SLC6A7: variants seen among roughly 807,000 people sequenced by gnomAD.
SLC6A7 encodes the protein sodium-dependent proline transporter.
SLC6A7 carries 58 observed loss-of-function variants against 73.1 expected under a neutral mutation model. That is an observed-to-expected ratio of 0.79 (90% confidence interval 0.64 to 0.99). SLC6A7 has a LOEUF of 0.99. Among genes scored for constraint, SLC6A7 ranks in the 50% least tolerant of loss-of-function variants. The pLI is 0.00. For missense variants in SLC6A7, 783 were observed against 831.4 expected, an observed-to-expected ratio of 0.94 and a Z score of 0.72; for synonymous variants, 338 against 338.7, an observed-to-expected ratio of 1.00 and a Z score of 0.02.
chr5:150,209,477 T>A lies in SLC6A7; in HGVS notation c.1773T>A (p.Tyr591Ter), dbSNP rs1229165050. Residue 591 changes from tyrosine to a stop codon, truncating the protein, a stop_gained, in exon 14 of 14, where the codon TAT (tyrosine) becomes TAA (stop). Coordinates refer to ENST00000230671, the MANE Select transcript of SLC6A7 (RefSeq NM_014228.5). LOFTEE classifies it high-confidence loss of function. ...PSLEENRTGM[Y>*]VATLAGSQSP... is the part of the protein sequence containing the mutation. ...TGGAGGAGAACCGGACGGGCATGTA[T>A]GTGGCCACGCTGGCTGGGAGCCAGT... The A allele has an allele frequency of 6.2e-7, 1 of 1,614,200 alleles. No individual in the cohort carries two copies. Among genetic ancestry groups the A allele is most frequent in the Non-Finnish European group, 8.5e-7 (1 of 1,180,050 alleles).
chr5:150,194,384 G>A (rs1469464615), intron 1 of SLC6A7, among the ~76,000 whole-genome samples: 1 of 150,154 alleles, frequency 6.7e-6, no homozygotes, highest in African/African-American at 2.5e-5. Context: ...TGCTGAGGTT[G>A]TACCACTGCA....
Position 150,209,802 on chromosome 5 carries a change from T to TAC in SLC6A7, c.*199_*200dup, listed in dbSNP as rs140293447. Reference sequence around the variant, plus strand: ...TCTCCTGAAACCTCTGACAACCCCCTACACACACACACAGGCATACTCAGA... The same window carrying TAC: ...TCTCCTGAAACCTCTGACAACCCCCTACACACACACACACAGGCATACTCAGA... On this transcript the variant is annotated 3_prime_UTR_variant, in exon 14 of 14. Transcript: ENST00000230671. 14 of 606,718 alleles carry TAC rather than the reference T, an allele frequency of 2.3e-5. No homozygotes were observed. Among genetic ancestry groups the TAC allele is most frequent in the African/African-American group, 1.1e-4 (6 of 53,930 alleles). 37.6% of individuals were successfully genotyped at this position (606,718 alleles called of 1,614,324 possible).
intron 2 of SLC6A7, among the ~76,000 whole-genome samples, chr5:150,195,801 G>A (rs982741594): frequency 6.6e-6 from 1 of 152,250 alleles, no homozygotes; most frequent in African/African-American, 2.4e-5. Flanking sequence ...GTGTGGGACT[G>A]GAGCTGGCCT....
chr5:150,195,602 A>G (rs1752981202), intron 2 of SLC6A7, among the ~76,000 whole-genome samples: 1 of 152,190 alleles, frequency 6.6e-6, no homozygotes, highest in Non-Finnish European at 1.5e-5. Context: ...GTCCTTGCCC[A>G]AGGTCACAGG....
chr5:150,208,095 G>A (rs932102493), intron 13 of SLC6A7, among the ~76,000 whole-genome samples: 1 of 151,872 alleles, frequency 6.6e-6, no homozygotes, highest in Non-Finnish European at 1.5e-5. Flanking sequence ...GAGCACCCCC[G>A]TTTTCAGCTG....
In SLC6A7 at chr5:150,197,068, G is replaced by C; in HGVS notation, c.376G>C (p.Val126Leu). ...CGCCGGCGCAGCCATGCTGCTCATC[G>C]TGGGCTTGGTGGCCATCTACTACAA... ...KGAGAAMLLI[V>L]GLVAIYYNMI... The change falls in exon 4 of 14, where the codon GTG (valine) becomes CTG (leucine). Residue 126 changes from valine to leucine, a missense_variant. Coordinates refer to ENST00000230671, the MANE Select transcript of SLC6A7 (RefSeq NM_014228.5). 1.9e-6 allele frequency: 3 copies of C among 1,614,028 alleles called. No individual in the cohort carries two copies. The highest frequency in any genetic ancestry group is 2.5e-6 in the Non-Finnish European group (3 of 1,179,974).
chr5:150,205,674 CCCT>C, intron 13 of SLC6A7, 51 bp downstream of exon 13: 1 of 1,471,866 alleles, frequency 6.8e-7, no homozygotes, highest in South Asian at 1.3e-5. Context: ...TGTGGCCTGA[CCCT>C]AGGTCCCCCT....
intron 1 of SLC6A7, among the ~76,000 whole-genome samples, chr5:150,194,432 T>TAA (rs57988226): frequency 1.6e-5 from 2 of 124,354 alleles, no homozygotes; most frequent in African/African-American, 2.9e-5. Context: ...CTTTCTCAAT[T>TAA]AAAAAAAAAA....
chr5:150,199,229 C>T lies in SLC6A7; in HGVS notation c.586C>T (p.Arg196Cys), dbSNP rs757592990. The T allele has an allele frequency of 1.1e-5, 18 of 1,595,810 alleles. No individual in the cohort carries two copies. Among genetic ancestry groups the T allele is most frequent in the Non-Finnish European group, 1.3e-5 (15 of 1,168,748 alleles). The change falls in exon 5 of 14, where the codon CGC becomes TGC. Residue 196 changes from arginine to cysteine, a missense_variant and splice_region_variant. By Grantham distance (180) the Arg-to-Cys change is radical (BLOSUM62 -3). Transcript: ENST00000230671. ...CACTGAGACCTTTGTCTCCCACAGC[C>T]GCTACGTCCTCCACATCCAAGGCAG... is the stretch of plus-strand genomic sequence containing the variant. ...TVSPSEEYWS[R>C]YVLHIQGSQG...
chr5:150,208,975 TA>T (rs1580876461), intron 13 of SLC6A7, among the ~76,000 whole-genome samples: 1 of 152,146 alleles, frequency 6.6e-6, no homozygotes, highest in East Asian at 1.9e-4. Context: ...ATTCAGCATT[TA>T]GGGGAAGGCT....
rs1752958751 is a variant in SLC6A7 at position 150,195,101 on chromosome 5, G to A, written c.217+190G>A. ...CTGTCTTGTCCTTCTCATCACCCAAGCCCTTCCTTCCTCCCTCTCATCCCC... is the reference window on the plus strand; with the variant it reads ...CTGTCTTGTCCTTCTCATCACCCAAACCCTTCCTTCCTCCCTCTCATCCCC... On this transcript the variant is annotated intron_variant, in intron 2 of 13. Coordinates refer to ENST00000230671, the MANE Select transcript of SLC6A7 (RefSeq NM_014228.5). The A allele has an allele frequency of 1.1e-5, 6 of 546,248 alleles. No individual in the cohort carries two copies. The Admixed American group carries it at 1.8e-4, about 17-fold the overall frequency. The allele number at this position is 546,248 out of a possible 1,614,324, so 33.8% of individuals were successfully genotyped here.
In SLC6A7 at chr5:150,204,936, G is replaced by A. The variant is rs772194424; in HGVS notation, c.1533+9G>A. The A allele has an allele frequency of 2.8e-6, 4 of 1,417,556 alleles. No individual in the cohort carries two copies. The highest frequency in any genetic ancestry group is 4.0e-6 in the Non-Finnish European group (4 of 1,001,092). 87.8% of individuals were successfully genotyped at this position (1,417,556 alleles called of 1,614,324 possible). On this transcript the variant is annotated intron_variant, in intron 12 of 13. Transcript: ENST00000230671. ...CCCCAGCCACGCTCTTGGTAACTGG[G>A]GAGGGCGGGAGGGTTTCTGGCTGGG...
chr5:150,204,329 G>A (rs1334265311), intron 10 of SLC6A7, among the ~76,000 whole-genome samples: 1 of 152,190 alleles, frequency 6.6e-6, no homozygotes, highest in Non-Finnish European at 1.5e-5. Flanking sequence ...TTCCTCATCA[G>A]TAAAAGGAGG....
chr5:150,204,097 G>A (rs1753555435), intron 10 of SLC6A7, 59 bp downstream of exon 10: 9 of 1,537,612 alleles, frequency 5.9e-6, no homozygotes, highest in Admixed American at 1.8e-5. Context: ...CGCCTGCAAC[G>A]AGATCTCTGG....
Position 150,194,791 on chromosome 5 carries a change from T to C in SLC6A7, c.97T>C (p.Phe33Leu), listed in dbSNP as rs755674878. 6.2e-7 allele frequency: 1 copy of C among 1,614,138 alleles called. No homozygotes were observed. Among genetic ancestry groups the C allele is most frequent in the Non-Finnish European group, 8.5e-7 (1 of 1,180,002 alleles). ...DQGDVDLDVD[F>L]AAHRGNWTGK... The stretch of plus-strand genomic sequence containing the variant: ...GGGCGATGTCGACCTGGATGTGGAC[T>C]TTGCTGCACACCGGGGGAACTGGAC... The change falls in exon 2 of 14, where the codon TTT becomes CTT. Residue 33 changes from phenylalanine (F) to leucine (L), a missense_variant. Phe to Leu is a conservative substitution (Grantham distance 22). Coordinates refer to ENST00000230671, the MANE Select transcript of SLC6A7 (RefSeq NM_014228.5).
intron 13 of SLC6A7, among the ~76,000 whole-genome samples, chr5:150,207,768 CT>C (rs896610463): frequency 3.9e-5 from 6 of 152,130 alleles, no homozygotes; most frequent in African/African-American, 1.4e-4. Context: ...GGTAAAAGTA[CT>C]AATACCCCTC....
rs560381303 is a variant in SLC6A7, at chr5:150,209,869, C to T, written c.*254C>T. The T allele has an allele frequency of 2.1e-5, 11 of 529,204 alleles. No homozygotes were observed. Among genetic ancestry groups the T allele is most frequent in the African/African-American group, 3.8e-5 (2 of 52,712 alleles). 32.8% of individuals were successfully genotyped at this position (529,204 alleles called of 1,614,324 possible). The stretch of plus-strand genomic sequence containing the variant: ...AATGATCCAACTCAGCCCTACTTTG[C>T]GGATGGACATATTAAGGCCAGGAGG... On this transcript the variant is annotated 3_prime_UTR_variant, in exon 14 of 14. Coordinates refer to ENST00000230671, the MANE Select transcript of SLC6A7 (RefSeq NM_014228.5).
Position 150,197,044 on chromosome 5 carries a change from G to A in SLC6A7, c.352G>A (p.Ala118Thr), listed in dbSNP as rs147922279. The A allele has an allele frequency of 1.1e-4, 184 of 1,613,274 alleles. 1 individual carries two copies. Among genetic ancestry groups the A allele is most frequent in the East Asian group, 3.8e-4 (17 of 44,884 alleles). The change falls in exon 4 of 14, where the codon GCC (alanine) becomes ACC (threonine). Residue 118 changes from alanine to threonine, a missense_variant and splice_region_variant. Transcript: ENST00000230671. The part of the protein sequence containing the change: ...VWKISPLFKG[A>T]GAAMLLIVGL... ...CCAGCAGCCTCTCCCCACACCAGGC[G>A]CCGGCGCAGCCATGCTGCTCATCGT... is the stretch of plus-strand genomic sequence containing the variant.
At chr5:150,204,113 C>A in intron 10 of SLC6A7, 75 bp downstream of exon 10, 2 of 1,456,244 alleles carry the variant, frequency 1.4e-6, no homozygotes, top group South Asian at 1.2e-5. Flanking sequence ...TCTGGCCCAG[C>A]TGAGCAGTTG....
Sources: allele counts gnomAD v4.1 joint callset (sites outside exome capture counted in the v4.1 genomes callset), GRCh38; gene constraint gnomAD v4.1.1; transcripts MANE v1.5; gene names NCBI Gene and HGNC (gene_info 2026-07-23, HGNC 2026-07-21).